Variants in LRFN2 observed in about 807,000 individuals in gnomAD.
LRFN2 encodes leucine rich repeat and fibronectin type III domain containing 2.
LRFN2 carries 18 observed loss-of-function variants against 37.3 expected under a neutral mutation model. The observed-to-expected ratio is 0.48, with a 90% confidence interval of 0.33 to 0.72. The LOEUF is 0.72. Ranked by LOEUF, LRFN2 falls within the 30% of genes least tolerant of loss-of-function variation. The pLI is 0.02. For missense variants in LRFN2, 1,006 were observed against 1,060.7 expected (o/e 0.95, Z 0.72); for synonymous variants, 556 against 466.6 (o/e 1.19, Z -2.47).
chr6:40,530,333 A>T (rs1766321769), intron 1 of LRFN2, among the ~76,000 whole-genome samples: 1 of 152,240 alleles, frequency 6.6e-6, no homozygotes. Flanking sequence ...GCTCACACGC[A>T]GTTCCAGAAA....
chr6:40,555,530 T>G (rs6915503), intron 1 of LRFN2, among the ~76,000 whole-genome samples: 96,979 of 152,098 alleles, frequency 0.64, 32,421 homozygotes, highest in African/African-American at 0.84. Flanking sequence ...GCCACGCAGA[T>G]CCCCCTCCTC....
At chr6:40,395,592 G>A (rs1762599332) in intron 2 of LRFN2, among the ~76,000 whole-genome samples, 1 of 152,138 alleles carries the variant, frequency 6.6e-6, no homozygotes, top group Non-Finnish European at 1.5e-5. Flanking sequence ...AGTTGAGATG[G>A]CAGGAGCTAA....
At chr6:40,460,411 T>A (rs1285495895) in intron 1 of LRFN2, among the ~76,000 whole-genome samples, 1 of 152,114 alleles carries the variant, frequency 6.6e-6, no homozygotes, top group Non-Finnish European at 1.5e-5. Flanking sequence ...TCTCATATAA[T>A]CTTGTTCTAT....
intron 1 of LRFN2, among the ~76,000 whole-genome samples, chr6:40,572,797 TGG>T (rs1245362788): frequency 6.6e-6 from 1 of 152,152 alleles, no homozygotes; most frequent in African/African-American, 2.4e-5. Context: ...CAGAGAACCC[TGG>T]GGCTGCTGGT....
At chr6:40,499,353 C>CCATT (rs1406566030) in intron 1 of LRFN2, among the ~76,000 whole-genome samples, 1 of 152,094 alleles carries the variant, frequency 6.6e-6, no homozygotes, top group African/African-American at 2.4e-5. Context: ...TTTTGCTGAG[C>CCATT]CATTACATTA....
At chr6:40,534,445 T>C (rs964285955) in intron 1 of LRFN2, among the ~76,000 whole-genome samples, 4 of 151,738 alleles carry the variant, frequency 2.6e-5, no homozygotes, top group Admixed American at 1.3e-4. Flanking sequence ...AGCAACTCTA[T>C]GGAGAGTTCA....
At chr6:40,503,670 C>G (rs969489283) in intron 1 of LRFN2, among the ~76,000 whole-genome samples, 1 of 152,100 alleles carries the variant, frequency 6.6e-6, no homozygotes, top group African/African-American at 2.4e-5. Context: ...TGAGATTGCC[C>G]AGGGAGAGGG....
At chr6:40,504,430 C>T (rs1765473486) in intron 1 of LRFN2, among the ~76,000 whole-genome samples, 1 of 152,170 alleles carries the variant, frequency 6.6e-6, no homozygotes, top group African/African-American at 2.4e-5. Context: ...ACAATTCTAA[C>T]CAATCCTCCG....
chr6:40,528,690 A>G (rs1382469663), intron 1 of LRFN2, among the ~76,000 whole-genome samples: 2 of 152,346 alleles, frequency 1.3e-5, no homozygotes, highest in East Asian at 1.9e-4. Context: ...TCACTAGATC[A>G]TAAGTCTAGG....
chr6:40,393,594 G>T (rs1445020186), intron 2 of LRFN2, among the ~76,000 whole-genome samples: 2 of 152,008 alleles, frequency 1.3e-5, no homozygotes, highest in African/African-American at 4.8e-5. Flanking sequence ...TTATACAAAG[G>T]GACACCCGCT....
chr6:40,559,782 A>G (rs1771302), intron 1 of LRFN2, among the ~76,000 whole-genome samples: 13,801 of 152,078 alleles, frequency 0.091, 775 homozygotes, highest in Non-Finnish European at 0.12. Context: ...AGGGCATTTC[A>G]TCCGCCCCCT....
chr6:40,440,708 C>T (rs935118080), intron 1 of LRFN2, among the ~76,000 whole-genome samples: 2 of 152,124 alleles, frequency 1.3e-5, no homozygotes, highest in African/African-American at 4.8e-5. Flanking sequence ...TCCTCACCTC[C>T]TGGGTGGGAT....
chr6:40,558,057 G>A (rs1766923738), intron 1 of LRFN2, among the ~76,000 whole-genome samples: 1 of 152,186 alleles, frequency 6.6e-6, no homozygotes, highest in Admixed American at 6.5e-5. Flanking sequence ...GTGGTGCTCT[G>A]TGGGCCTCCT....
chr6:40,407,565 A>T (rs576238194), intron 2 of LRFN2, among the ~76,000 whole-genome samples: 49 of 152,374 alleles, frequency 3.2e-4, no homozygotes, highest in African/African-American at 8.2e-4. Flanking sequence ...CTTGTCATTT[A>T]TCTCCTGGAG....
At chr6:40,572,161 C>T (rs1004753057) in intron 1 of LRFN2, among the ~76,000 whole-genome samples, 2 of 152,200 alleles carry the variant, frequency 1.3e-5, no homozygotes, top group African/African-American at 4.8e-5. Context: ...GTTACTTAAA[C>T]CCTCTATATC....
intron 1 of LRFN2, among the ~76,000 whole-genome samples, chr6:40,504,804 TAGTAG>T: frequency 6.6e-6 from 1 of 152,160 alleles, no homozygotes; most frequent in African/African-American, 2.4e-5. Context: ...TTTGATATTA[TAGTAG>T]CTTGGTTTCA....
At chr6:40,577,117 T>TCTCTTCTCTTCTCTTCTCTTCTCC (rs1213623400) in intron 1 of LRFN2, among the ~76,000 whole-genome samples, 1 of 148,800 alleles carries the variant, frequency 6.7e-6, no homozygotes, top group Admixed American at 6.7e-5. Context: ...TCTTTTCTTT[T>TCTCTTCTCTTCTCTTCTCTTCTCC]TAGATATGGA....
intron 1 of LRFN2, among the ~76,000 whole-genome samples, chr6:40,438,745 C>G (rs531799314): frequency 3.3e-5 from 5 of 152,002 alleles, no homozygotes; most frequent in African/African-American, 4.8e-5. Context: ...CTGGAAGGGA[C>G]GCTGGCATTC....
chr6:40,507,799 C>T (rs144211533), intron 1 of LRFN2, among the ~76,000 whole-genome samples: 2 of 152,230 alleles, frequency 1.3e-5, no homozygotes, highest in African/African-American at 2.4e-5. Flanking sequence ...ATACACAGGC[C>T]CTGAAATGTT....
Sources: allele counts gnomAD v4.1 joint callset (sites outside exome capture counted in the v4.1 genomes callset), GRCh38; gene constraint gnomAD v4.1.1; transcripts MANE v1.5; gene names NCBI Gene and HGNC (gene_info 2026-07-23, HGNC 2026-07-21).